The following ABLIM3 variants were observed in gnomAD, a reference collection of about 807,000 sequenced individuals.
ABLIM3 encodes actin-binding LIM protein 3.
ABLIM3 carries 61 observed loss-of-function variants against 109.5 expected under a neutral mutation model. The ratio of observed to expected loss-of-function variants is 0.56; its 90% confidence interval spans 0.45 to 0.69. The LOEUF is 0.69. ABLIM3 is among the 30% of genes least tolerant of loss of function. The pLI is 0.00. For synonymous variants in ABLIM3, 300 were observed against 324.8 expected, an observed-to-expected ratio of 0.92 and a Z score of 0.82; for missense variants, 796 against 889.5, an observed-to-expected ratio of 0.89 and a Z score of 1.34.
At chr5:149,224,569 G>T (rs1430327635) in intron 8 of ABLIM3, among the ~76,000 whole-genome samples, 4 of 152,194 alleles carry the variant, frequency 2.6e-5, no homozygotes, top group Non-Finnish European at 5.9e-5. Flanking sequence ...AGCCTGCCAT[G>T]TGCTGCAGCC....
At chr5:149,227,229 G>A (rs774651995) in intron 8 of ABLIM3, among the ~76,000 whole-genome samples, 81 of 152,238 alleles carry the variant, frequency 5.3e-4, no homozygotes, top group African/African-American at 1.7e-3. Context: ...CTCTGCTAAC[G>A]ATTAAAAATG....
At chr5:149,239,929 G>A (rs1349546217) in intron 13 of ABLIM3, 41 bp downstream of exon 13, 1 of 1,571,298 alleles carries the variant, frequency 6.4e-7, no homozygotes, top group East Asian at 2.4e-5. Flanking sequence ...GAAGAGCCAG[G>A]GAGACAATGC....
chr5:149,186,415 A>G (rs1429647858), intron 3 of ABLIM3, among the ~76,000 whole-genome samples: 3 of 151,994 alleles, frequency 2.0e-5, no homozygotes, highest in Non-Finnish European at 4.4e-5. Flanking sequence ...TTCATCTCAA[A>G]GAAAAAAAAA....
intron 7 of ABLIM3, among the ~76,000 whole-genome samples, chr5:149,211,816 C>T (rs951016144): frequency 3.9e-5 from 6 of 151,916 alleles, no homozygotes; most frequent in Non-Finnish European, 8.8e-5. Context: ...CCTGAAGGGC[C>T]CTGAGGTGGG....
intron 7 of ABLIM3, among the ~76,000 whole-genome samples, chr5:149,215,967 C>T (rs998139487): frequency 1.3e-5 from 2 of 152,296 alleles, no homozygotes; most frequent in South Asian, 4.1e-4. Flanking sequence ...TTTCTTCCCC[C>T]CATGGAAGTC....
chr5:149,235,065 A>G (rs1762213715), intron 10 of ABLIM3, among the ~76,000 whole-genome samples: 1 of 152,174 alleles, frequency 6.6e-6, no homozygotes, highest in East Asian at 1.9e-4. Context: ...CTAGGGGCTT[A>G]CACATTGAGA....
chr5:149,259,673 C>A lies in ABLIM3; in HGVS notation c.*1269C>A. On this transcript the variant is annotated 3_prime_UTR_variant, in exon 24 of 24. Transcript: ENST00000309868. ...TCGCCTCCCTGAACAGGGGAGAAAG[C>A]TTAACCTCTCTTCTCCTCTCCAAAC... 1 of 1,319,646 alleles carries A rather than the reference C, an allele frequency of 7.6e-7. No individual in the cohort carries two copies. Among genetic ancestry groups the A allele is most frequent in the Non-Finnish European group, 1.1e-6 (1 of 950,386 alleles). 81.7% of individuals were successfully genotyped at this position (1,319,646 alleles called of 1,614,324 possible).
chr5:149,204,223 G>A (rs1301756381), intron 5 of ABLIM3, among the ~76,000 whole-genome samples: 3 of 152,228 alleles, frequency 2.0e-5, no homozygotes, highest in South Asian at 2.1e-4. Flanking sequence ...AGAGGGACAG[G>A]TGGTAGCATC....
chr5:149,169,073 C>CTT (rs1224563522), intron 2 of ABLIM3, among the ~76,000 whole-genome samples: 2 of 151,986 alleles, frequency 1.3e-5, no homozygotes, highest in African/African-American at 2.4e-5. Flanking sequence ...CCACCACTGA[C>CTT]TTTGCTGTAG....
intron 3 of ABLIM3, among the ~76,000 whole-genome samples, chr5:149,196,078 G>A (rs1757943841): frequency 6.6e-6 from 1 of 152,142 alleles, no homozygotes; most frequent in Admixed American, 6.5e-5. Flanking sequence ...AGACTCAGTG[G>A]CAGTGATGAG....
chr5:149,147,462 G>A (rs1190531557), intron 2 of ABLIM3, among the ~76,000 whole-genome samples: 1 of 151,958 alleles, frequency 6.6e-6, no homozygotes, highest in African/African-American at 2.4e-5. Flanking sequence ...GATTTGATTT[G>A]GTAGTATTCT....
intron 2 of ABLIM3, among the ~76,000 whole-genome samples, chr5:149,177,546 C>T (rs1226470408): frequency 6.6e-6 from 1 of 152,210 alleles, no homozygotes; most frequent in Non-Finnish European, 1.5e-5. Flanking sequence ...AGCCACCTAC[C>T]TCTGCAGCCC....
intron 2 of ABLIM3, among the ~76,000 whole-genome samples, chr5:149,143,093 C>G (rs1488360635): frequency 6.6e-6 from 1 of 152,048 alleles, no homozygotes; most frequent in Non-Finnish European, 1.5e-5. Context: ...GGCCAGGCAC[C>G]GTGTTCCATG....
chr5:149,164,102 G>A (rs1249961731), intron 2 of ABLIM3: 4 of 152,184 alleles, frequency 2.6e-5, no homozygotes, highest in Non-Finnish European at 5.9e-5. Context: ...CATTTGACGG[G>A]TTTCATTTGG....
chr5:149,167,927 C>T (rs10067003), intron 2 of ABLIM3, among the ~76,000 whole-genome samples: 36,894 of 152,008 alleles, frequency 0.24, 4,996 homozygotes, highest in African/African-American at 0.34. Context: ...AGTAGGATTT[C>T]TCAGCTTAGC....
intron 23 of ABLIM3, among the ~76,000 whole-genome samples, chr5:149,254,054 A>C (rs1235971047): frequency 6.6e-6 from 1 of 152,124 alleles, no homozygotes; most frequent in Non-Finnish European, 1.5e-5. Flanking sequence ...CATGAGACTT[A>C]TTCACTACCA....
intron 15 of ABLIM3, among the ~76,000 whole-genome samples, chr5:149,242,891 A>G (rs1192317693): frequency 1.3e-5 from 2 of 152,206 alleles, no homozygotes; most frequent in Non-Finnish European, 2.9e-5. Context: ...TTAGAATAAC[A>G]GGGGATGCAT....
At chr5:149,237,667 G>C in intron 11 of ABLIM3, 64 bp downstream of exon 11, 1 of 1,596,094 alleles carries the variant, frequency 6.3e-7, no homozygotes, top group South Asian at 1.1e-5. Flanking sequence ...GGGGTCCCCA[G>C]CCCTCTCCAT....
chr5:149,209,878 C>A (rs892469345), intron 6 of ABLIM3, among the ~76,000 whole-genome samples: 5 of 152,342 alleles, frequency 3.3e-5, no homozygotes, highest in African/African-American at 1.2e-4. Flanking sequence ...GGGCCCCCAG[C>A]AACCTCATCA....
Sources: allele counts gnomAD v4.1 joint callset (sites outside exome capture counted in the v4.1 genomes callset), GRCh38; gene constraint gnomAD v4.1.1; transcripts MANE v1.5; gene names NCBI Gene and HGNC (gene_info 2026-07-23, HGNC 2026-07-21).